ROCK1: variants seen among roughly 807,000 people sequenced by gnomAD.
ROCK1 encodes Rho associated coiled-coil containing protein kinase 1.
In ROCK1, 36 loss-of-function variants were observed where a neutral mutation model predicts 196.8. That is an observed-to-expected ratio of 0.18 (90% confidence interval 0.14 to 0.24). The LOEUF (loss-of-function observed/expected upper bound fraction) is 0.24, where lower values mean the gene tolerates loss of function less well. Ranked by LOEUF, ROCK1 falls within the 10% of genes least tolerant of loss-of-function variation. The pLI is 1.00. For missense variants in ROCK1, 920 were observed against 1,562.0 expected (o/e 0.59, Z 6.93); for synonymous variants, 443 against 515.9 (o/e 0.86, Z 1.91).
intron 1 of ROCK1, among the ~76,000 whole-genome samples, chr18:21,074,687 T>C (rs1018722086): frequency 6.6e-6 from 1 of 152,248 alleles, no homozygotes; most frequent in Non-Finnish European, 1.5e-5. Context: ...TTAGCTGTTA[T>C]ACTGTAATTA....
chr18:21,059,683 C>A (rs183130166), intron 2 of ROCK1, among the ~76,000 whole-genome samples: 1 of 152,264 alleles, frequency 6.6e-6, no homozygotes, highest in African/African-American at 2.4e-5. Flanking sequence ...AATTCCACTT[C>A]TAGGTATCTA....
chr18:21,061,449 T>A (rs1292039661), intron 2 of ROCK1, among the ~76,000 whole-genome samples: 2 of 152,186 alleles, frequency 1.3e-5, no homozygotes, highest in African/African-American at 4.8e-5. Flanking sequence ...TTCCATTTAA[T>A]GACATTCTGG....
At chr18:21,000,148 G>T (rs1441520388) in intron 16 of ROCK1, among the ~76,000 whole-genome samples, 1 of 151,656 alleles carries the variant, frequency 6.6e-6, no homozygotes, top group African/African-American at 2.4e-5. Context: ...CAAAGCTACA[G>T]TGAACAAAAC....
At chr18:21,086,026 C>T (rs1218887070) in intron 1 of ROCK1, among the ~76,000 whole-genome samples, 1 of 151,656 alleles carries the variant, frequency 6.6e-6, no homozygotes. Context: ...ATTTCTCAAA[C>T]GATTCTTTTA....
chr18:21,084,813 C>G (rs1344609977), intron 1 of ROCK1, among the ~76,000 whole-genome samples: 2 of 152,200 alleles, frequency 1.3e-5, no homozygotes, highest in African/African-American at 4.8e-5. Flanking sequence ...CCAATGTTCA[C>G]AGCAGCATAT....
At chr18:21,109,982 T>C (rs1046835581) in intron 1 of ROCK1, among the ~76,000 whole-genome samples, 3 of 152,162 alleles carry the variant, frequency 2.0e-5, no homozygotes, top group African/African-American at 7.2e-5. Context: ...TAACCCTTAG[T>C]TGTTCAGAAA....
rs1354599659 is a variant in ROCK1, at chr18:21,017,506, A to G, written c.1362-2027T>C. The stretch of plus-strand genomic sequence containing the variant: ...CACCTGGCCTACCACACTTCTTGAT[A>G]ATTACTTACTTGTTTTTCTTGCTAA... On this transcript the variant is annotated intron_variant, in intron 12 of 32. Transcript: ENST00000399799. Among the ~76,000 whole-genome samples the G allele has an allele frequency of 4.0e-5, 6 of 151,736 alleles. No homozygotes were observed. In the East Asian group the frequency reaches 1.2e-3, roughly 30 times the overall value.
At chr18:21,051,670 T>C (rs1486680923) in intron 2 of ROCK1, among the ~76,000 whole-genome samples, 1 of 152,136 alleles carries the variant, frequency 6.6e-6, no homozygotes, top group Non-Finnish European at 1.5e-5. Flanking sequence ...CGAAAACCGT[T>C]TTCACATTAA....
intron 1 of ROCK1, among the ~76,000 whole-genome samples, chr18:21,078,101 G>A (rs1374529728): frequency 6.6e-6 from 1 of 152,198 alleles, no homozygotes; most frequent in African/African-American, 2.4e-5. Flanking sequence ...GGCCAAGGCA[G>A]GCAGATCATT....
chr18:20,975,733 C>G (rs562379127), intron 22 of ROCK1, among the ~76,000 whole-genome samples: 26 of 152,270 alleles, frequency 1.7e-4, no homozygotes, highest in African/African-American at 5.5e-4. Flanking sequence ...GCCTCAGCCT[C>G]CCGAGTAGCT....
intron 12 of ROCK1, among the ~76,000 whole-genome samples, chr18:21,018,213 C>T (rs1367018920): frequency 6.6e-6 from 1 of 151,844 alleles, no homozygotes; most frequent in Non-Finnish European, 1.5e-5. Context: ...ACCAGTTTGT[C>T]ACTTGTCTTT....
intron 16 of ROCK1, 22 bp downstream of exon 16, chr18:21,006,329 C>T: frequency 1.3e-6 from 2 of 1,578,176 alleles, no homozygotes; most frequent in Non-Finnish European, 8.6e-7. Context: ...GTATATTTTA[C>T]CACAATAAGA....
At chr18:20,982,161 G>T (rs535887366) in intron 21 of ROCK1, among the ~76,000 whole-genome samples, 1 of 152,278 alleles carries the variant, frequency 6.6e-6, no homozygotes, top group South Asian at 2.1e-4. Context: ...AAAGCATATG[G>T]GATGCTACCG....
intron 4 of ROCK1, 86 bp from the exon 5 acceptor site, chr18:21,045,553 A>G (rs1257432982): frequency 9.4e-7 from 1 of 1,064,352 alleles, no homozygotes; most frequent in African/African-American, 1.6e-5. Context: ...AATGTTAATA[A>G]AAGATTTAAG....
chr18:20,985,381 C>G (rs945749556), intron 19 of ROCK1, among the ~76,000 whole-genome samples: 2 of 152,132 alleles, frequency 1.3e-5, no homozygotes, highest in African/African-American at 4.8e-5. Context: ...TCAAATGCAA[C>G]AAATTCTCCC....
intron 16 of ROCK1, among the ~76,000 whole-genome samples, chr18:21,001,411 T>C (rs1411245186): frequency 6.6e-6 from 1 of 152,226 alleles, no homozygotes; most frequent in Non-Finnish European, 1.5e-5. Context: ...TTTAAATGGT[T>C]AGCTTTTTGT....
intron 16 of ROCK1, among the ~76,000 whole-genome samples, chr18:20,997,312 A>C (rs776668068): frequency 5.9e-5 from 9 of 152,212 alleles, no homozygotes; most frequent in Non-Finnish European, 1.0e-4. Flanking sequence ...CAATTAAAAC[A>C]AAAACAAAAA....
At chr18:21,077,849 CT>C (rs1403103333) in intron 1 of ROCK1, among the ~76,000 whole-genome samples, 2 of 152,084 alleles carry the variant, frequency 1.3e-5, no homozygotes, top group Non-Finnish European at 2.9e-5. Flanking sequence ...TTTTCTGAGG[CT>C]TTTTTGGTAT....
rs751904234 is a variant in ROCK1, at chr18:21,008,110, G to T, written c.1495C>A (p.Gln499Lys). 2.5e-6 allele frequency: 4 copies of T among 1,601,616 alleles called. No individual in the cohort carries two copies. In the African/African-American group the frequency reaches 4.0e-5, roughly 16 times the overall value. Residue 499 changes from glutamine (Q) to lysine (K), a missense_variant, in exon 14 of 33, where the codon CAA (glutamine) becomes AAA (lysine). By Grantham distance (53) the Gln-to-Lys change is moderately conservative. Transcript: ENST00000399799. ...TCATTTTCCTGTTCAGCTTTTCTTT[G>T]GTACTCATTAATTCTATGCTGTAGC... The part of the protein sequence containing the change: ...MLLQHRINEY[Q>K]RKAEQENEKR...
Sources: gnomAD v4.1 joint callset for allele counts (sites outside exome capture counted in the v4.1 genomes callset) on GRCh38, gnomAD v4.1.1 for gene constraint, MANE v1.5 for transcripts, NCBI Gene and HGNC (gene_info 2026-07-23, HGNC 2026-07-21) for gene names.